The following EIF4E3 variants were observed in gnomAD, a reference collection of about 807,000 sequenced individuals.
The protein encoded by EIF4E3 is eukaryotic translation initiation factor 4E family member 3.
EIF4E3 carries 26 observed loss-of-function variants against 31.7 expected under a neutral mutation model. The ratio of observed to expected loss-of-function variants is 0.82; its 90% CI spans 0.60 to 1.14. The LOEUF is 1.14. Among genes scored for constraint, EIF4E3 ranks in the 50% most tolerant of loss-of-function variants. EIF4E3 has a pLI of 0.00. For missense variants in EIF4E3, 304 were observed against 270.9 expected, an observed-to-expected ratio of 1.12 and a Z score of -0.86; for synonymous variants, 128 against 107.7, an observed-to-expected ratio of 1.19 and a Z score of -1.17.
chr3:71,666,535 T>C, the EIF4E3 span, among the ~76,000 whole-genome samples: 1 of 152,194 alleles, frequency 6.6e-6, no homozygotes, highest in East Asian at 1.9e-4. Flanking sequence ...GCTGGTACCA[T>C]TCCTTCTGAA....
rs140858179 is a variant in EIF4E3, at chr3:71,752,843, G to A, written c.-291+620C>T. On this transcript the variant is annotated intron_variant, in intron 1 of 7. Coordinates refer to the EIF4E3 transcript ENST00000295612. The stretch of plus-strand genomic sequence containing the variant: ...CTGTTGTGGGGCTGGTCCAGGCAGA[G>A]GTACCAGCACATGCAAGGTCCTGCG... Among the ~76,000 whole-genome samples the A allele has an allele frequency of 6.6e-5, 10 of 152,340 alleles. No individual in the cohort carries two copies. In the East Asian group the frequency reaches 1.9e-3, roughly 29 times the overall value.
At chr3:71,664,920 C>T in the EIF4E3 span, among the ~76,000 whole-genome samples, 1 of 152,240 alleles carries the variant, frequency 6.6e-6, no homozygotes, top group Middle Eastern at 3.4e-3. Context: ...CGTATGTCTA[C>T]AGCTGGAGCA....
intron 2 of EIF4E3, among the ~76,000 whole-genome samples, chr3:71,708,672 T>C (rs925583358): frequency 6.6e-6 from 1 of 151,978 alleles, no homozygotes; most frequent in African/African-American, 2.4e-5. Flanking sequence ...TAATGTCATG[T>C]GGGTTGGGAA....
At chr3:71,672,457 G>A (rs912333707), downstream of EIF4E3, among the ~76,000 whole-genome samples, 3 of 152,140 alleles carry the variant, frequency 2.0e-5, no homozygotes, top group Non-Finnish European at 4.4e-5. Flanking sequence ...TTACAAGCCC[G>A]GCTTGCTTTT....
intron 1 of EIF4E3, among the ~76,000 whole-genome samples, chr3:71,746,752 C>T (rs1215839021): frequency 6.6e-6 from 1 of 152,136 alleles, no homozygotes; most frequent in Non-Finnish European, 1.5e-5. Context: ...TTCATCACCC[C>T]CCAAAAAGCT....
At chr3:71,690,811 C>T (rs2049054038) in intron 5 of EIF4E3, among the ~76,000 whole-genome samples, 1 of 152,146 alleles carries the variant, frequency 6.6e-6, no homozygotes, top group African/African-American at 2.4e-5. Flanking sequence ...GCTAGAGAGC[C>T]AATGACCATC....
chr3:71,696,612 C>A, intron 3 of EIF4E3, 92 bp from the exon 4 acceptor site: 1 of 1,437,674 alleles, frequency 7.0e-7, no homozygotes, highest in Non-Finnish European at 9.6e-7. Flanking sequence ...TTTAGTTTAA[C>A]AACAGATGAC....
In EIF4E3 at chr3:71,696,499, C is replaced by G; in HGVS notation, c.366G>C (p.Lys122Asn). 1.2e-6 allele frequency: 2 copies of G among 1,614,140 alleles called. No individual in the cohort carries two copies. Among genetic ancestry groups the G allele is most frequent in the South Asian group, 1.1e-5 (1 of 91,070 alleles). Residue 122 changes from lysine to asparagine, a missense_variant, in exon 4 of 7, where the codon AAG becomes AAC. Coordinates refer to ENST00000425534, the MANE Select transcript of EIF4E3 (RefSeq NM_001134651.2). ...GGACTTTCATCTTCCATACGCCACC[C>G]TTTGCATTACTCTCCTCTTCCCTGG... The part of the protein sequence containing the change: ...RPLWEEESNA[K>N]GGVWKMKVPK...
chr3:71,700,908 G>C (rs2049207435), intron 2 of EIF4E3, among the ~76,000 whole-genome samples: 1 of 152,108 alleles, frequency 6.6e-6, no homozygotes, highest in Non-Finnish European at 1.5e-5. Flanking sequence ...GCCCCTGGGA[G>C]GTAATCAGGT....
chr3:71,659,438 A>C, the EIF4E3 span, among the ~76,000 whole-genome samples: 1 of 152,182 alleles, frequency 6.6e-6, no homozygotes, highest in Non-Finnish European at 1.5e-5. Context: ...TGAATAGAAC[A>C]TACTGGTCTC....
At chr3:71,698,622 A>G (rs1232962447) in intron 3 of EIF4E3, among the ~76,000 whole-genome samples, 1 of 152,110 alleles carries the variant, frequency 6.6e-6, no homozygotes, top group African/African-American at 2.4e-5. Context: ...GCCTCTTCCT[A>G]GTCTTTGTGA....
upstream of EIF4E3, chr3:71,754,571 G>A (rs1278022172): frequency 1.6e-5 from 22 of 1,400,090 alleles, no homozygotes; most frequent in East Asian, 2.6e-4. The surrounding 1 kb of genome is among the most constrained non-coding windows in gnomAD (Gnocchi z 5.8). Context: ...GCGCCCTGGA[G>A]CAGCGGCCCG....
chr3:71,676,493 C>G lies in EIF4E3; in HGVS notation c.*8189G>C, dbSNP rs1014558198. ...AAAAGGTTTTATAAAACCTTTGTTT[C>G]ATTTCATAAAACAAAATCAGTGAGT... On this transcript the variant is annotated 3_prime_UTR_variant, in exon 7 of 7. Coordinates refer to ENST00000425534, the MANE Select transcript of EIF4E3 (RefSeq NM_001134651.2). The G allele has an allele frequency of 6.6e-6, 1 of 152,106 alleles. No individual in the cohort carries two copies. The highest frequency in any genetic ancestry group is 6.5e-5 in the Admixed American group (1 of 15,276). 9.4% of individuals were successfully genotyped at this position (152,106 alleles called of 1,614,324 possible).
At chr3:71,701,180 T>C (rs2049211483) in intron 2 of EIF4E3, among the ~76,000 whole-genome samples, 1 of 152,302 alleles carries the variant, frequency 6.6e-6, no homozygotes, top group South Asian at 2.1e-4. Flanking sequence ...ACAGGGCAAC[T>C]GGTAAACAGA....
intron 1 of EIF4E3, among the ~76,000 whole-genome samples, chr3:71,746,827 T>C (rs1013000688): frequency 6.6e-6 from 1 of 152,194 alleles, no homozygotes; most frequent in African/African-American, 2.4e-5. Context: ...TAACCAACTT[T>C]CTATCACTAT....
At chr3:71,712,990 T>C (rs1422774508) in intron 1 of EIF4E3, among the ~76,000 whole-genome samples, 5 of 152,088 alleles carry the variant, frequency 3.3e-5, no homozygotes, top group Middle Eastern at 3.2e-3. Context: ...GTCCCCTCAG[T>C]TTCATTATCC....
rs2048869162 is a variant in EIF4E3 at position 71,675,585 on chromosome 3, G to C, written c.*9097C>G. On this transcript the variant is annotated 3_prime_UTR_variant, in exon 7 of 7. Transcript: ENST00000425534. ...CACATAATATATGGAATGAAGAAAA[G>C]ATCATTGATTTTAACAGCCAGGAGA... 6.6e-6 allele frequency: 1 copy of C among 152,174 alleles called. No individual in the cohort carries two copies. Among genetic ancestry groups the C allele is most frequent in the South Asian group, 2.1e-4 (1 of 4,834 alleles). The allele number at this position is 152,174 out of a possible 1,614,324, so 9.4% of individuals were successfully genotyped here.
intron 2 of EIF4E3, among the ~76,000 whole-genome samples, chr3:71,708,861 T>C (rs886228579): frequency 3.3e-5 from 5 of 152,176 alleles, no homozygotes; most frequent in Admixed American, 2.0e-4. Flanking sequence ...TGGTGCTGCC[T>C]TGAGGTGCTG....
At chr3:71,664,013 C>T in the EIF4E3 span, among the ~76,000 whole-genome samples, 1 of 152,122 alleles carries the variant, frequency 6.6e-6, no homozygotes, top group African/African-American at 2.4e-5. Context: ...ACAGGGCAGC[C>T]TGGGAAGGTC....
Sources: allele counts gnomAD v4.1 joint callset (sites outside exome capture counted in the v4.1 genomes callset), GRCh38; gene constraint gnomAD v4.1.1; non-coding constraint Gnocchi (gnomAD v3.1); transcripts MANE v1.5; gene names NCBI Gene and HGNC (gene_info 2026-07-23, HGNC 2026-07-21).